Variants in EXOC4 observed in about 807,000 individuals in gnomAD.
EXOC4 encodes the protein exocyst complex component 4, also known as SEC8-like 1.
A neutral mutation model predicts 107.2 loss-of-function variants in EXOC4; 71 were observed. The ratio of observed to expected loss-of-function variants is 0.66; its 90% CI spans 0.55 to 0.81. The LOEUF (loss-of-function observed/expected upper bound fraction) is 0.81, where lower values mean the gene tolerates loss of function less well. Among genes scored for constraint, EXOC4 ranks in the 30% least tolerant of loss-of-function variants. The pLI, the probability that EXOC4 is intolerant of heterozygous loss-of-function variation, is 0.00. For missense variants in EXOC4, 1,108 were observed against 1,189.6 expected, an observed-to-expected ratio of 0.93 and a Z score of 1.01; for synonymous variants, 456 against 441.2, an observed-to-expected ratio of 1.03 and a Z score of -0.42.
the EXOC4 span, among the ~76,000 whole-genome samples, chr7:134,076,046 G>T: frequency 6.6e-6 from 1 of 152,220 alleles, no homozygotes; most frequent in Admixed American, 6.5e-5. Context: ...CGAAGAGGCT[G>T]ATCACAGTGA....
At position 133,403,051 on chromosome 7, in the gene EXOC4, A is replaced by T. The variant is rs570271400; in HGVS notation, c.1182+28049A>T. On this transcript the variant is annotated intron_variant, in intron 7 of 17. Transcript: ENST00000253861. ...AGGCACGCACCACCATGCCCAGCTA[A>T]TTTTTTTATTTGTACTAGAGACGGG... is the stretch of plus-strand genomic sequence containing the variant. Among the ~76,000 whole-genome samples, 3 of 151,124 alleles carry T rather than the reference A, an allele frequency of 2.0e-5. No individual in the cohort carries two copies. In the East Asian group the frequency reaches 5.9e-4, roughly 30 times the overall value.
At chr7:133,610,323 A>G (rs976766200) in intron 9 of EXOC4, among the ~76,000 whole-genome samples, 1 of 152,236 alleles carries the variant, frequency 6.6e-6, no homozygotes. Flanking sequence ...GACCACAACA[A>G]GTGGACTTTC....
chr7:133,770,679 A>G (rs1382306925), intron 10 of EXOC4, among the ~76,000 whole-genome samples: 7 of 151,886 alleles, frequency 4.6e-5, no homozygotes, highest in Non-Finnish European at 8.8e-5. Flanking sequence ...ATTGTACATA[A>G]TCCATTATCC....
intron 10 of EXOC4, among the ~76,000 whole-genome samples, chr7:133,755,906 A>G (rs2151144788): frequency 6.6e-6 from 1 of 152,206 alleles, no homozygotes; most frequent in Admixed American, 6.5e-5. Context: ...TTCATCCTCC[A>G]TGACTTAGCT....
intron 11 of EXOC4, among the ~76,000 whole-genome samples, chr7:133,894,869 C>T (rs2116513093): frequency 1.2e-5 from 1 of 85,528 alleles, no homozygotes; most frequent in African/African-American, 1.3e-4. Flanking sequence ...GCAGAGTTTA[C>T]TGCTGTCTTT....
chr7:133,951,650 C>T (rs1800693313), intron 14 of EXOC4, among the ~76,000 whole-genome samples: 1 of 152,158 alleles, frequency 6.6e-6, no homozygotes, highest in Non-Finnish European at 1.5e-5. Context: ...AACTTCATCT[C>T]AAAAGATCTT....
intron 7 of EXOC4, among the ~76,000 whole-genome samples, chr7:133,468,621 C>T (rs1408018161): frequency 6.6e-6 from 1 of 152,072 alleles, no homozygotes; most frequent in African/African-American, 2.4e-5. Flanking sequence ...TCCTTTGAGA[C>T]ATCCTCCATT....
chr7:133,530,334 T>G (rs1800158155), intron 9 of EXOC4, among the ~76,000 whole-genome samples: 1 of 152,142 alleles, frequency 6.6e-6, no homozygotes, highest in South Asian at 2.1e-4. Flanking sequence ...GCTAGTTGAT[T>G]TCATAGTTGT....
At chr7:133,307,350 AGT>A (rs1584796909) in intron 4 of EXOC4, among the ~76,000 whole-genome samples, 2 of 152,266 alleles carry the variant, frequency 1.3e-5, no homozygotes, top group East Asian at 3.9e-4. Flanking sequence ...CTCAGCAGAG[AGT>A]GAAGTGGTGA....
intron 10 of EXOC4, among the ~76,000 whole-genome samples, chr7:133,729,434 T>G (rs1251866103): frequency 6.6e-6 from 1 of 152,172 alleles, no homozygotes; most frequent in African/African-American, 2.4e-5. Context: ...ATACAAATCT[T>G]GCAAACTGCT....
chr7:133,934,803 C>T (rs537211021), intron 13 of EXOC4, among the ~76,000 whole-genome samples: 1 of 152,068 alleles, frequency 6.6e-6, no homozygotes, highest in South Asian at 2.1e-4. Context: ...TAAATATTTA[C>T]AACCTGACTG....
At position 133,480,139 on chromosome 7, in the gene EXOC4, G is replaced by A. The variant is rs527267574; in HGVS notation, c.1417+1G>A. 2.5e-6 allele frequency: 4 copies of A among 1,613,792 alleles called. No individual in the cohort carries two copies. In the South Asian group the frequency reaches 4.4e-5, roughly 18 times the overall value. ...TATAGTCGGAGTGGAGAACTGCAAG[G>A]TGAGTGATTGAGCTTCTCTGGAAAA... On this transcript the variant is annotated splice_donor_variant, in intron 9 of 17. Coordinates refer to ENST00000253861, the MANE Select transcript of EXOC4 (RefSeq NM_021807.4). LOFTEE classifies it high-confidence loss of function.
At chr7:133,358,184 T>A (rs188176656) in intron 6 of EXOC4, among the ~76,000 whole-genome samples, 1 of 151,980 alleles carries the variant, frequency 6.6e-6, no homozygotes, top group South Asian at 2.1e-4. Flanking sequence ...AAACTTCATC[T>A]CAAACAAACA....
rs531649603 is a variant in EXOC4, at chr7:133,450,412, T to G, written c.1183-24916T>G. On this transcript the variant is annotated intron_variant, in intron 7 of 17. Transcript: ENST00000253861. ...TCCTGTCCTCAAGTGATCCTCCTGT[T>G]TTGGCCTCCCAAAGTACTGGGATTA... Among the ~76,000 whole-genome samples, 225 of 152,200 alleles carry G rather than the reference T, an allele frequency of 1.5e-3. 1 individual carries two copies. Among genetic ancestry groups the G allele is most frequent in the South Asian group, 3.9e-3 (19 of 4,826 alleles).
chr7:133,264,784 G>A (rs1264041756), intron 1 of EXOC4, among the ~76,000 whole-genome samples: 2 of 152,028 alleles, frequency 1.3e-5, no homozygotes, highest in East Asian at 3.9e-4. Flanking sequence ...AGAATAATAG[G>A]CTTGGAAAAC....
chr7:133,481,583 T>C (rs1799159737), intron 9 of EXOC4, among the ~76,000 whole-genome samples: 1 of 152,240 alleles, frequency 6.6e-6, no homozygotes, highest in African/African-American at 2.4e-5. Flanking sequence ...CTGTAAGTTT[T>C]TCCAAAGATG....
In EXOC4 at chr7:133,881,714, G is replaced by A. The variant is rs77955685; in HGVS notation, c.1735-13885G>A. ...TATTTATATATTTAATCAATTAGCTGAGTTCCCTGCTGTTTCCCCAAACAA... is the reference window on the plus strand; with the variant it reads ...TATTTATATATTTAATCAATTAGCTAAGTTCCCTGCTGTTTCCCCAAACAA... On this transcript the variant is annotated intron_variant, in intron 11 of 17. Coordinates refer to ENST00000253861, the MANE Select transcript of EXOC4 (RefSeq NM_021807.4). 2.4e-3 allele frequency among the ~76,000 whole-genome samples: 364 copies of A among 152,264 alleles called. 5 individuals are homozygous for A. The highest frequency in any genetic ancestry group is 8.2e-3 in the African/African-American group (340 of 41,546).
At chr7:134,087,335 A>C in the EXOC4 span, among the ~76,000 whole-genome samples, 1 of 152,152 alleles carries the variant, frequency 6.6e-6, no homozygotes, top group Non-Finnish European at 1.5e-5. Context: ...TTGGGGTATA[A>C]AACAGCTCAG....
At chr7:133,678,741 G>A (rs961759216) in intron 10 of EXOC4, among the ~76,000 whole-genome samples, 1 of 151,970 alleles carries the variant, frequency 6.6e-6, no homozygotes, top group Non-Finnish European at 1.5e-5. Flanking sequence ...CTCCCAGGTG[G>A]CTGGGACCAC....
Sources: allele counts gnomAD v4.1 joint callset (sites outside exome capture counted in the v4.1 genomes callset), GRCh38; gene constraint gnomAD v4.1.1; transcripts MANE v1.5; gene names NCBI Gene and HGNC (gene_info 2026-07-23, HGNC 2026-07-21).